CDH17: variants seen among roughly 807,000 people sequenced by gnomAD.
CDH17 encodes cadherin-17.
Under a neutral mutation model 86.3 loss-of-function variants are expected in CDH17, and 67 were observed. The ratio of observed to expected loss-of-function variants is 0.78; its 90% CI spans 0.64 to 0.95. CDH17 has a LOEUF of 0.95. CDH17 is among the 40% of genes least tolerant of loss of function. The pLI, the probability that CDH17 is intolerant of heterozygous loss-of-function variation, is 0.00. For missense variants in CDH17, 993 were observed against 1,017.6 expected (o/e 0.98, Z 0.33); for synonymous variants, 367 against 366.4 (o/e 1.00, Z -0.02).
intron 15 of CDH17, among the ~76,000 whole-genome samples, chr8:94,141,833 T>C (rs974831311): frequency 5.9e-5 from 9 of 152,080 alleles, no homozygotes; most frequent in Non-Finnish European, 1.0e-4. Flanking sequence ...CTCAACAGGA[T>C]TTTTTTGGTA....
chr8:94,146,198 C>A (rs998305989), intron 14 of CDH17, 31 bp from the exon 15 acceptor site: 1 of 1,422,312 alleles, frequency 7.0e-7, no homozygotes, highest in South Asian at 1.8e-5. Context: ...AACATGGGAT[C>A]AGTTCACTCA....
rs773708635 is a variant in CDH17 at position 94,176,572 on chromosome 8, G to A, written c.393C>T (p.Tyr131=). The A allele has an allele frequency of 5.9e-5, 95 of 1,613,640 alleles. No homozygotes were observed. The highest frequency in any genetic ancestry group is 1.1e-4 in the African/African-American group (8 of 74,864). The change falls in exon 5 of 18, where the codon TAC becomes TAT. Residue 131 remains tyrosine (Y), a synonymous_variant. Coordinates refer to ENST00000027335, the MANE Select transcript of CDH17 (RefSeq NM_004063.4). Reference sequence around the variant, plus strand: ...GAGAGTTCTGCCTTACTGAGCCTTCGTACTTTGACTGGAGAAACGTGGGTC... The same window carrying A: ...GAGAGTTCTGCCTTACTGAGCCTTCATACTTTGACTGGAGAAACGTGGGTC... ...DNRPTFLQSK[Y]EGSVRQNSRP...
chr8:94,157,084 G>T (rs1490559951), intron 12 of CDH17, among the ~76,000 whole-genome samples: 2 of 152,196 alleles, frequency 1.3e-5, no homozygotes, highest in African/African-American at 4.8e-5. Flanking sequence ...GCCTCCCTCA[G>T]AATCAGTGGG....
At chr8:94,150,998 A>T (rs1380989268) in intron 13 of CDH17, among the ~76,000 whole-genome samples, 1 of 152,196 alleles carries the variant, frequency 6.6e-6, no homozygotes, top group African/African-American at 2.4e-5. Context: ...AGTGAATCCA[A>T]GTGCCTGAAG....
At chr8:94,166,895 G>C (rs1296433390) in intron 9 of CDH17, among the ~76,000 whole-genome samples, 1 of 152,128 alleles carries the variant, frequency 6.6e-6, no homozygotes, top group Non-Finnish European at 1.5e-5. Flanking sequence ...GACTCTGGAG[G>C]GAACGCTGCC....
chr8:94,147,341 C>G (rs16916588), intron 14 of CDH17, among the ~76,000 whole-genome samples: 3,926 of 152,242 alleles, frequency 0.026, 169 homozygotes, highest in African/African-American at 0.09. Context: ...GCTGGCACAC[C>G]GTTCTGCATT....
chr8:94,175,811 T>C (rs888453302), intron 5 of CDH17, among the ~76,000 whole-genome samples: 2 of 152,104 alleles, frequency 1.3e-5, no homozygotes, highest in African/African-American at 2.4e-5. Context: ...CCTAAGAAGA[T>C]ACAGGGGAGT....
At chr8:94,183,557 A>T (rs1180230421) in intron 3 of CDH17, among the ~76,000 whole-genome samples, 1 of 147,032 alleles carries the variant, frequency 6.8e-6, no homozygotes, top group Non-Finnish European at 1.5e-5. Flanking sequence ...CATACACAAA[A>T]CTAACTCAAA....
chr8:94,164,435 G>T (rs1813116156), intron 10 of CDH17, among the ~76,000 whole-genome samples: 1 of 152,226 alleles, frequency 6.6e-6, no homozygotes, highest in Non-Finnish European at 1.5e-5. Context: ...AATAACTGCT[G>T]AAAGAATGGA....
At chr8:94,182,809 TA>T (rs1041040288) in intron 3 of CDH17, among the ~76,000 whole-genome samples, 2 of 151,754 alleles carry the variant, frequency 1.3e-5, no homozygotes, top group Non-Finnish European at 2.9e-5. Flanking sequence ...AGATTGGAAA[TA>T]AAAAAATAAA....
rs747939930 is a variant in CDH17, at chr8:94,177,599, A to T, written c.273T>A (p.Thr91=). 5.0e-5 allele frequency: 80 copies of T among 1,613,378 alleles called. No homozygotes were observed. The highest frequency in any genetic ancestry group is 5.3e-5 in the Non-Finnish European group (63 of 1,179,680). ...NRALDRETRS[T]HNLQVAALDA... ...GGTATCAATTTACCTGGAGATTGTG[A>T]GTAGATCTTGTTTCCCTGTCCAAGG... Residue 91 remains threonine, a synonymous_variant, in exon 4 of 18, where the codon ACT becomes ACA. Coordinates refer to ENST00000027335, the MANE Select transcript of CDH17 (RefSeq NM_004063.4).
At chr8:94,147,018 C>T (rs938068095) in intron 14 of CDH17, among the ~76,000 whole-genome samples, 3 of 152,136 alleles carry the variant, frequency 2.0e-5, no homozygotes, top group Non-Finnish European at 2.9e-5. Context: ...ACTGTGTTCT[C>T]GAAGTTATTG....
At chr8:94,171,106 G>C (rs748479352) in intron 7 of CDH17, 121 bp from the exon 8 acceptor site, 23 of 1,003,644 alleles carry the variant, frequency 2.3e-5, no homozygotes, top group African/African-American at 6.6e-5. Context: ...GTGGTTTCTT[G>C]TAACAACTGA....
intron 3 of CDH17, among the ~76,000 whole-genome samples, chr8:94,186,842 G>A (rs751087029): frequency 2.6e-5 from 4 of 152,236 alleles, no homozygotes; most frequent in Non-Finnish European, 5.9e-5. Context: ...CCTGCAGCCT[G>A]CTATAGGACG....
intron 1 of CDH17, among the ~76,000 whole-genome samples, 159 bp downstream of exon 1, chr8:94,208,324 C>T (rs1814068983): frequency 6.6e-6 from 1 of 152,130 alleles, no homozygotes; most frequent in African/African-American, 2.4e-5. Flanking sequence ...ATAAGCAAAA[C>T]TTGTCATGCC....
intron 11 of CDH17, among the ~76,000 whole-genome samples, chr8:94,160,560 T>C (rs531142196): frequency 6.6e-6 from 1 of 152,362 alleles, no homozygotes; most frequent in African/African-American, 2.4e-5. Flanking sequence ...TAGAGGTTGA[T>C]TAAAAGCTTG....
At chr8:94,147,051 G>T (rs1189105219) in intron 14 of CDH17, among the ~76,000 whole-genome samples, 1 of 152,118 alleles carries the variant, frequency 6.6e-6, no homozygotes, top group Non-Finnish European at 1.5e-5. Context: ...TCATGTCAGT[G>T]CCAGAAACTA....
chr8:94,177,047 C>CT (rs1364018736), intron 4 of CDH17, among the ~76,000 whole-genome samples: 2 of 152,190 alleles, frequency 1.3e-5, no homozygotes, highest in African/African-American at 4.8e-5. Flanking sequence ...AGACAGAAAG[C>CT]TTTTATCTCA....
intron 1 of CDH17, among the ~76,000 whole-genome samples, chr8:94,200,309 T>C (rs984907229): frequency 1.3e-5 from 2 of 152,086 alleles, no homozygotes; most frequent in Non-Finnish European, 2.9e-5. Context: ...CTAGGTTTCC[T>C]CAAAAACACT....
Sources: gnomAD v4.1 joint callset for allele counts (sites outside exome capture counted in the v4.1 genomes callset) on GRCh38, gnomAD v4.1.1 for gene constraint, MANE v1.5 for transcripts, NCBI Gene and HGNC (gene_info 2026-07-23, HGNC 2026-07-21) for gene names.